DLG2: variants seen among roughly 807,000 people sequenced by gnomAD.
DLG2 encodes the protein disks large homolog 2.
Under a neutral mutation model 132.5 loss-of-function variants are expected in DLG2, and 45 were observed. That is an observed-to-expected ratio of 0.34 (90% CI 0.27 to 0.44). The LOEUF (loss-of-function observed/expected upper bound fraction) is 0.44, where lower values mean the gene tolerates loss of function less well. Ranked by LOEUF, DLG2 falls within the 20% of genes least tolerant of loss-of-function variation. The probability of loss-of-function intolerance (pLI) is 1.00; values close to 1 mark genes in which losing one functional copy is unlikely to be tolerated. For missense variants in DLG2, 1,045 were observed against 1,196.9 expected (o/e 0.87, Z 1.87); for synonymous variants, 424 against 419.6 (o/e 1.01, Z -0.13).
intron 3 of DLG2, among the ~76,000 whole-genome samples, chr11:85,340,466 A>G (rs2082408065): frequency 6.6e-6 from 1 of 151,878 alleles, no homozygotes; most frequent in Non-Finnish European, 1.5e-5. Flanking sequence ...AGGGCAGGGA[A>G]CATCACACAC....
At chr11:84,831,102 G>A (rs1359532505) in intron 6 of DLG2, among the ~76,000 whole-genome samples, 3 of 151,216 alleles carry the variant, frequency 2.0e-5, no homozygotes, top group Admixed American at 1.3e-4. Flanking sequence ...GCATTTCTAG[G>A]AGTTGCACAG....
At chr11:84,423,092 A>G (rs1197433478) in intron 7 of DLG2, among the ~76,000 whole-genome samples, 1 of 152,158 alleles carries the variant, frequency 6.6e-6, no homozygotes, top group Admixed American at 6.5e-5. Context: ...CAAATGGGGA[A>G]GGTCTGAACA....
chr11:84,236,027 T>C (rs2097153520), intron 8 of DLG2, among the ~76,000 whole-genome samples: 1 of 146,224 alleles, frequency 6.8e-6, no homozygotes, highest in Non-Finnish European at 1.5e-5. Flanking sequence ...CTGTGAGATA[T>C]TTCCACCTTT....
intron 6 of DLG2, among the ~76,000 whole-genome samples, chr11:84,589,162 T>C (rs1476428696): frequency 4.6e-5 from 7 of 152,064 alleles, no homozygotes; most frequent in African/African-American, 1.7e-4. Context: ...GAGAATGTCT[T>C]TGAGATGCTG....
chr11:83,946,455 G>A (rs985687880), intron 14 of DLG2, among the ~76,000 whole-genome samples: 7 of 152,142 alleles, frequency 4.6e-5, no homozygotes, highest in Non-Finnish European at 8.8e-5. Context: ...CTGGCATGGG[G>A]CTAAGGACTC....
chr11:83,658,878 T>C (rs944106932), intron 18 of DLG2, among the ~76,000 whole-genome samples: 2 of 152,214 alleles, frequency 1.3e-5, no homozygotes, highest in Non-Finnish European at 1.5e-5. Flanking sequence ...TTTATCTCAG[T>C]TGTTCTCCCA....
At chr11:84,684,157 A>C (rs2099736002) in intron 6 of DLG2, among the ~76,000 whole-genome samples, 1 of 152,220 alleles carries the variant, frequency 6.6e-6, no homozygotes, top group Non-Finnish European at 1.5e-5. Flanking sequence ...TTTATTTTCT[A>C]CTTTGGCTAC....
At chr11:83,839,634 C>A (rs1399013108) in intron 16 of DLG2, among the ~76,000 whole-genome samples, 1 of 152,066 alleles carries the variant, frequency 6.6e-6, no homozygotes. Context: ...TTTTTAAAAA[C>A]TAAGCTAAAA....
intron 7 of DLG2, among the ~76,000 whole-genome samples, chr11:84,435,989 C>T (rs1031113074): frequency 7.9e-5 from 12 of 152,112 alleles, no homozygotes; most frequent in African/African-American, 2.9e-4. Flanking sequence ...TTTTCTAAAA[C>T]ATTTGTTCCA....
intron 18 of DLG2, among the ~76,000 whole-genome samples, chr11:83,696,989 A>G: frequency 6.6e-6 from 1 of 152,258 alleles, no homozygotes; most frequent in Non-Finnish European, 1.5e-5. Context: ...TCAGAAAAGC[A>G]GATGAAAGAA....
chr11:84,667,195 A>G (rs1210152884), intron 6 of DLG2, among the ~76,000 whole-genome samples: 1 of 152,184 alleles, frequency 6.6e-6, no homozygotes, highest in Admixed American at 6.5e-5. Context: ...TTCTAACACC[A>G]TTCGCACCGG....
intron 3 of DLG2, among the ~76,000 whole-genome samples, chr11:85,372,493 A>C (rs1228839510): frequency 6.6e-6 from 1 of 152,262 alleles, no homozygotes; most frequent in Non-Finnish European, 1.5e-5. Context: ...CTAGGAAAGA[A>C]AATTGTATCT....
chr11:84,757,010 T>C (rs1406188568), intron 6 of DLG2, among the ~76,000 whole-genome samples: 1 of 152,210 alleles, frequency 6.6e-6, no homozygotes, highest in Non-Finnish European at 1.5e-5. Context: ...TAGTTTTTTA[T>C]CAACATCCTC....
intron 3 of DLG2, among the ~76,000 whole-genome samples, chr11:85,575,699 G>A (rs767737121): frequency 9.9e-5 from 15 of 152,142 alleles, no homozygotes; most frequent in Non-Finnish European, 1.6e-4. Flanking sequence ...GCTCCCTCAA[G>A]TCTTTACTCA....
intron 16 of DLG2, among the ~76,000 whole-genome samples, chr11:83,865,072 T>C (rs932851200): frequency 6.6e-5 from 10 of 152,322 alleles, no homozygotes; most frequent in Non-Finnish European, 7.3e-5. Context: ...ACTCATGTGA[T>C]GGATGAGCCA....
At chr11:84,952,229 C>A (rs1308538907) in intron 6 of DLG2, among the ~76,000 whole-genome samples, 1 of 152,210 alleles carries the variant, frequency 6.6e-6, no homozygotes, top group African/African-American at 2.4e-5. Context: ...ATTAGCATGA[C>A]CTTTTTCTCA....
At chr11:84,892,517 A>G (rs1408568817) in intron 6 of DLG2, among the ~76,000 whole-genome samples, 1 of 152,000 alleles carries the variant, frequency 6.6e-6, no homozygotes, top group Non-Finnish European at 1.5e-5. Context: ...GAGTATTTTT[A>G]TTTATTTATA....
intron 14 of DLG2, among the ~76,000 whole-genome samples, chr11:83,937,507 CAAAAA>C (rs11313794): frequency 2.7e-5 from 2 of 73,808 alleles, no homozygotes; most frequent in Admixed American, 1.7e-4. Context: ...GACTCCATCT[CAAAAA>C]AAAAAAAAAA....
chr11:84,952,084 A>G (rs11234252), intron 6 of DLG2, among the ~76,000 whole-genome samples: 5,934 of 152,278 alleles, frequency 0.039, 388 homozygotes, highest in African/African-American at 0.13. Flanking sequence ...TGTAACAATT[A>G]AATGCTTTTT....
Sources: gnomAD v4.1 joint callset for allele counts (sites outside exome capture counted in the v4.1 genomes callset) on GRCh38, gnomAD v4.1.1 for gene constraint, MANE v1.5 for transcripts, NCBI Gene and HGNC (gene_info 2026-07-23, HGNC 2026-07-21) for gene names.